Variants in PTPRB observed in about 807,000 individuals in gnomAD.
PTPRB encodes the protein protein tyrosine phosphatase receptor type B.
In PTPRB, 97 loss-of-function variants were observed where a neutral mutation model predicts 238.1. The ratio of observed to expected loss-of-function variants is 0.41; its 90% CI spans 0.35 to 0.48. PTPRB has a LOEUF of 0.48. Ranked by LOEUF, PTPRB falls within the 20% of genes least tolerant of loss-of-function variation. The pLI, the probability that PTPRB is intolerant of heterozygous loss-of-function variation, is 0.30. For synonymous variants in PTPRB, 970 were observed against 995.4 expected, an observed-to-expected ratio of 0.97 and a Z score of 0.48; for missense variants, 2,292 against 2,681.9, an observed-to-expected ratio of 0.85 and a Z score of 3.21.
At position 70,614,556 on chromosome 12, in the gene PTPRB, AAAAC is replaced by A. The variant is rs1056567241; in HGVS notation, c.709-5221_709-5218del. 1.5e-4 allele frequency among the ~76,000 whole-genome samples: 23 copies of A among 152,268 alleles called. No homozygotes were observed. The East Asian group carries it at 3.5e-3, about 23-fold the overall frequency. Reference sequence around the variant, plus strand: ...AGAGTGAGACTCCATCTCAAAAACAAAAACAAACAAACAAAAAAAATTAACTGTG... The same window carrying A: ...AGAGTGAGACTCCATCTCAAAAACAAAAACAAACAAAAAAAATTAACTGTG... On this transcript the variant is annotated intron_variant, in intron 3 of 33. Coordinates refer to ENST00000334414, the MANE Select transcript of PTPRB (RefSeq NM_001109754.4).
intron 21 of PTPRB, among the ~76,000 whole-genome samples, chr12:70,547,522 CTTTT>C (rs11296814): frequency 3.5e-5 from 4 of 115,232 alleles, no homozygotes; most frequent in South Asian, 2.9e-4. Context: ...TCTTTCCTTC[CTTTT>C]TTTTTTTTTT....
chr12:70,542,101 CACTA>C (rs1172836810), intron 22 of PTPRB: 1 of 152,194 alleles, frequency 6.6e-6, no homozygotes, highest in East Asian at 1.9e-4. Flanking sequence ...TTCATATCCT[CACTA>C]ACTCTTGTTA....
rs1390186 is a variant in PTPRB, at chr12:70,519,416, C to T, written c.*2073G>A. On this transcript the variant is annotated 3_prime_UTR_variant, in exon 34 of 34. Transcript: ENST00000334414. Reference sequence around the variant, plus strand: ...CCTTGATGAGGCTGTCTTTTAAGCTCAATTGAAGGTAGTAACAACAATCCT... The same window carrying T: ...CCTTGATGAGGCTGTCTTTTAAGCTTAATTGAAGGTAGTAACAACAATCCT... The T allele has an allele frequency of 0.2, 30,690 of 152,006 alleles. 3,747 individuals are homozygous for T. The highest frequency in any genetic ancestry group is 0.37 in the Middle Eastern group (108 of 294). The allele number at this position is 152,006 out of a possible 1,614,324, so 9.4% of individuals were successfully genotyped here. A position where few individuals can be genotyped will look rare whatever the true frequency, so the allele number is the denominator to read the frequency against.
In PTPRB at chr12:70,560,774, C is replaced by G; in HGVS notation, c.4329G>C (p.Thr1443=). ...KKENWKDKDL[T]EWRFQGLVPG... is the part of the protein sequence containing the mutation. ...GAACAAGGCCTTGAAACCGCCACTC[C>G]GTCAGGTCCTTGTCTTTCCAGTTTT... The change falls in exon 17 of 34, where the codon ACG becomes ACC. Residue 1443 remains threonine, a synonymous_variant. Coordinates refer to ENST00000334414, the MANE Select transcript of PTPRB (RefSeq NM_001109754.4). The surrounding 1 kb of genome is among the most constrained non-coding windows in gnomAD (Gnocchi z 4.2). The G allele has an allele frequency of 6.2e-7, 1 of 1,613,960 alleles. No homozygotes were observed. The highest frequency in any genetic ancestry group is 2.2e-5 in the East Asian group (1 of 44,868).
intron 2 of PTPRB, among the ~76,000 whole-genome samples, chr12:70,633,653 C>T (rs544039905): frequency 5.9e-5 from 9 of 152,180 alleles, no homozygotes; most frequent in African/African-American, 2.2e-4. Flanking sequence ...TTTCTTTCCC[C>T]AACACATATT....
In PTPRB at chr12:70,539,976, G is replaced by T. The variant is rs781137517; in HGVS notation, c.5641C>A (p.Arg1881=). The change falls in exon 24 of 34, where the codon CGA becomes AGA. Residue 1881 remains arginine (R), a synonymous_variant. Coordinates refer to ENST00000334414, the MANE Select transcript of PTPRB (RefSeq NM_001109754.4). ...PSARLSIRRD[R]PLSVHLNLGQ... ...AGGTTTAAGTGGACAGATAATGGTCGATCCCTACGAATGCTCAGACGGGCA... is the reference window on the plus strand; with the variant it reads ...AGGTTTAAGTGGACAGATAATGGTCTATCCCTACGAATGCTCAGACGGGCA... The T allele has an allele frequency of 5.6e-6, 9 of 1,612,320 alleles. No homozygotes were observed. In the Admixed American group the frequency reaches 1.3e-4, roughly 24 times the overall value.
At chr12:70,616,145 T>C (rs2717435) in intron 3 of PTPRB, among the ~76,000 whole-genome samples, 85,611 of 151,840 alleles carry the variant, frequency 0.56, 24,916 homozygotes, top group African/African-American at 0.71. Flanking sequence ...GATCTCCCCA[T>C]GTTGCCCAGG....
At chr12:70,561,001 G>C in intron 16 of PTPRB, 67 bp from the exon 17 acceptor site, 1 of 1,483,776 alleles carries the variant, frequency 6.7e-7, no homozygotes, top group Non-Finnish European at 9.3e-7. Context: ...CCACAGGTGA[G>C]AGTATATGCT....
chr12:70,532,636 C>T lies in PTPRB; in HGVS notation c.6369-466G>A, dbSNP rs544884560. Among the ~76,000 whole-genome samples the T allele has an allele frequency of 2.0e-5, 3 of 151,672 alleles. No individual in the cohort carries two copies. In the East Asian group the frequency reaches 5.8e-4, roughly 30 times the overall value. ...TTCCTTCTTTCTTTCTCTCTCCTTC[C>T]TTCCTCCCTCCCTCTTTCCGTCCTT... On this transcript the variant is annotated intron_variant, in intron 31 of 33. Coordinates refer to ENST00000334414, the MANE Select transcript of PTPRB (RefSeq NM_001109754.4).
intron 4 of PTPRB, among the ~76,000 whole-genome samples, chr12:70,604,510 G>T (rs1883782818): frequency 6.6e-6 from 1 of 152,264 alleles, no homozygotes; most frequent in South Asian, 2.1e-4. Context: ...TTCTTTCCAT[G>T]TGGGGTAGAA....
intron 8 of PTPRB, 92 bp downstream of exon 8, chr12:70,589,872 A>C: frequency 8.2e-7 from 1 of 1,216,846 alleles, no homozygotes. Flanking sequence ...ACACCAGGGT[A>C]TGATATTAGC....
chr12:70,578,269 C>T (rs1272571543), intron 10 of PTPRB, among the ~76,000 whole-genome samples: 1 of 151,976 alleles, frequency 6.6e-6, no homozygotes, highest in East Asian at 1.9e-4. Flanking sequence ...TATAAGAATA[C>T]CTTTCAAAAT....
At chr12:70,603,929 C>CTA (rs1883730406) in intron 4 of PTPRB, among the ~76,000 whole-genome samples, 1 of 152,126 alleles carries the variant, frequency 6.6e-6, no homozygotes, top group Non-Finnish European at 1.5e-5. Flanking sequence ...TAAAATTAGG[C>CTA]TATAGATGGT....
rs757890186 is a variant in PTPRB at position 70,539,960 on chromosome 12, T to A, written c.5657A>T (p.His1886Leu). Residue 1886 changes from histidine (H) to leucine (L), a missense_variant, in exon 24 of 34, where the codon CAC becomes CTC. Coordinates refer to ENST00000334414, the MANE Select transcript of PTPRB (RefSeq NM_001109754.4). ...TTACCCTTTCTGGCCCAGGTTTAAG[T>A]GGACAGATAATGGTCGATCCCTACG... Reference protein sequence around the residue: ...SIRRDRPLSVHLNLGQKGNRK... With the variant: ...SIRRDRPLSVLLNLGQKGNRK... 2 of 1,612,172 alleles carry A rather than the reference T, an allele frequency of 1.2e-6. No homozygotes were observed. The highest frequency in any genetic ancestry group is 3.3e-5 in the Admixed American group (2 of 60,026).
At chr12:70,534,405 C>A (rs1873767707) in intron 31 of PTPRB, 83 bp downstream of exon 31, 1 of 1,477,342 alleles carries the variant, frequency 6.8e-7, no homozygotes, top group Admixed American at 2.1e-5. Flanking sequence ...CCACCAAATT[C>A]CCCATGCTTA....
intron 22 of PTPRB, 152 bp from the exon 23 acceptor site, chr12:70,541,109 C>T (rs567683678): frequency 3.0e-6 from 2 of 656,576 alleles, no homozygotes; most frequent in Admixed American, 5.5e-5. Flanking sequence ...TTTCCAAAGG[C>T]TCTGAGTATG....
intron 2 of PTPRB, among the ~76,000 whole-genome samples, chr12:70,623,528 GC>G (rs1366860506): frequency 5.9e-5 from 9 of 152,282 alleles, no homozygotes; most frequent in Admixed American, 5.2e-4. Context: ...CACTGTGTAA[GC>G]AAGACCCTAG....
rs753222310 is a variant in PTPRB, at chr12:70,587,012, C to T, written c.2306G>A (p.Arg769Lys). The change falls in exon 9 of 34, where the codon AGA (arginine) becomes AAA (lysine). Residue 769 changes from arginine (R) to lysine (K), a missense_variant. Coordinates refer to ENST00000334414, the MANE Select transcript of PTPRB (RefSeq NM_001109754.4). Reference protein sequence around the residue: ...DLKNSSSVKGRTVPAQVTDLH... With the variant: ...DLKNSSSVKGKTVPAQVTDLH... ...AAATTTATAAAGGTTACTACCTGTTCTTCCTTTTACTGAAGAGGAATTTTT... is the reference window on the plus strand; with the variant it reads ...AAATTTATAAAGGTTACTACCTGTTTTTCCTTTTACTGAAGAGGAATTTTT... 11 of 1,612,512 alleles carry T rather than the reference C, an allele frequency of 6.8e-6. No individual in the cohort carries two copies. Among genetic ancestry groups the T allele is most frequent in the Non-Finnish European group, 8.5e-6 (10 of 1,178,970 alleles).
At chr12:70,616,883 T>C (rs1884703800) in intron 3 of PTPRB, among the ~76,000 whole-genome samples, 1 of 152,088 alleles carries the variant, frequency 6.6e-6, no homozygotes, top group African/African-American at 2.4e-5. Context: ...AGTATGGGGG[T>C]GGATTGACTC....
Sources: gnomAD v4.1 joint callset for allele counts (sites outside exome capture counted in the v4.1 genomes callset) on GRCh38, gnomAD v4.1.1 for gene constraint, Gnocchi (gnomAD v3.1) non-coding constraint, MANE v1.5 for transcripts, NCBI Gene and HGNC (gene_info 2026-07-23, HGNC 2026-07-21) for gene names.